The following SLC37A3 variants were observed in gnomAD, a reference collection of about 807,000 sequenced individuals.
SLC37A3 encodes the protein sugar phosphate exchanger 3.
Under a neutral mutation model 67.1 loss-of-function variants are expected in SLC37A3, and 51 were observed. The observed-to-expected ratio is 0.76, with a 90% CI of 0.61 to 0.96. The LOEUF (loss-of-function observed/expected upper bound fraction) is 0.96, where lower values mean the gene tolerates loss of function less well. SLC37A3 is among the 40% of genes least tolerant of loss of function. The pLI is 0.00. For missense variants in SLC37A3, 508 were observed against 603.0 expected, an observed-to-expected ratio of 0.84 and a Z score of 1.65; for synonymous variants, 214 against 231.4, an observed-to-expected ratio of 0.92 and a Z score of 0.68.
chr7:140,338,792 G>A (rs1796243524), intron 13 of SLC37A3, among the ~76,000 whole-genome samples: 1 of 151,272 alleles, frequency 6.6e-6, no homozygotes, highest in Non-Finnish European at 1.5e-5. Flanking sequence ...TTTAAATGGA[G>A]TCTTGCTCTG....
intron 14 of SLC37A3, among the ~76,000 whole-genome samples, chr7:140,336,702 T>C (rs578153112): frequency 6.6e-6 from 1 of 152,328 alleles, no homozygotes; most frequent in East Asian, 1.9e-4. Flanking sequence ...TAGGGGCTGG[T>C]GATACTTTAA....
chr7:140,336,188 A>G (rs1460048479), intron 14 of SLC37A3, among the ~76,000 whole-genome samples: 1 of 152,206 alleles, frequency 6.6e-6, no homozygotes, highest in Non-Finnish European at 1.5e-5. Context: ...AATATTTTAA[A>G]AGCACAAAGC....
chr7:140,334,422 CACTT>C lies in SLC37A3; in HGVS notation c.*986_*989del, dbSNP rs1796055362. On this transcript the variant is annotated 3_prime_UTR_variant, in exon 15 of 15. Transcript: ENST00000326232. ...TAAGTCAAAGAGCATCTGTACTTGA[CACTT>C]ACTAGAAGAAAAGGTCTTTCCCTTT... is the stretch of plus-strand genomic sequence containing the variant. 1.3e-5 allele frequency: 2 copies of C among 152,512 alleles called. No homozygotes were observed. The highest frequency in any genetic ancestry group is 4.1e-4 in the South Asian group (2 of 4,826). The allele number at this position is 152,512 out of a possible 1,614,324, so 9.4% of individuals were successfully genotyped here. A position where few individuals can be genotyped will look rare whatever the true frequency, so the allele number is the denominator to read the frequency against.
intron 6 of SLC37A3, among the ~76,000 whole-genome samples, chr7:140,356,195 C>CAA (rs60174653): frequency 0.38 from 51,490 of 134,196 alleles, 10,445 homozygotes; most frequent in Non-Finnish European, 0.48. Flanking sequence ...CTCCACCTCC[C>CAA]AAAAAAAAAA....
intron 13 of SLC37A3, among the ~76,000 whole-genome samples, chr7:140,342,671 T>C (rs977864177): frequency 9.6e-6 from 1 of 103,812 alleles, no homozygotes; most frequent in Non-Finnish European, 1.9e-5. Context: ...GAAAGTTGAA[T>C]TTATGCAAAA....
chr7:140,337,117 A>AAG (rs1796169889), intron 14 of SLC37A3, among the ~76,000 whole-genome samples, 167 bp downstream of exon 14: 2 of 145,286 alleles, frequency 1.4e-5, no homozygotes, highest in Non-Finnish European at 3.0e-5. Context: ...AAAAAAAAAA[A>AAG]AAGAAGAAGA....
chr7:140,354,426 GTT>G (rs1296243623), intron 7 of SLC37A3, among the ~76,000 whole-genome samples: 1 of 150,886 alleles, frequency 6.6e-6, no homozygotes, highest in Non-Finnish European at 1.5e-5. Flanking sequence ...ATACAGTATA[GTT>G]TTTCTTCCTT....
At chr7:140,352,176 A>T in intron 7 of SLC37A3, 30 bp from the exon 8 acceptor site, 1 of 1,536,238 alleles carries the variant, frequency 6.5e-7, no homozygotes, top group Non-Finnish European at 8.8e-7. Context: ...GGTGGTCCTT[A>T]CATATCTGGG....
intron 7 of SLC37A3, 39 bp downstream of exon 7, chr7:140,355,629 G>A (rs1373986336): frequency 6.3e-6 from 9 of 1,425,812 alleles, no homozygotes; most frequent in Non-Finnish European, 8.8e-6. Context: ...TGCACACAGA[G>A]AGAGAGAGAG....
intron 5 of SLC37A3, among the ~76,000 whole-genome samples, chr7:140,360,834 G>A (rs956253651): frequency 2.0e-5 from 3 of 151,608 alleles, no homozygotes; most frequent in Admixed American, 1.3e-4. Flanking sequence ...ACTGCCACCC[G>A]GGGAGAGCTA....
intron 5 of SLC37A3, among the ~76,000 whole-genome samples, chr7:140,362,673 T>C (rs1426462404): frequency 3.2e-4 from 5 of 15,730 alleles, no homozygotes; most frequent in Non-Finnish European, 2.6e-4. Context: ...GGGAGGGAGG[T>C]GGGGGGGGGG....
chr7:140,365,720 CA>C (rs918386822), intron 4 of SLC37A3, among the ~76,000 whole-genome samples: 13 of 146,514 alleles, frequency 8.9e-5, no homozygotes, highest in African/African-American at 1.0e-4. Flanking sequence ...GACTCCATCT[CA>C]AAAAAAAAAT....
intron 1 of SLC37A3, among the ~76,000 whole-genome samples, chr7:140,394,833 C>T (rs76981448): frequency 0.29 from 43,969 of 149,618 alleles, 7,330 homozygotes; most frequent in South Asian, 0.52. Context: ...GGTCTCGAAC[C>T]CCTGACCTCG....
At chr7:140,346,643 T>TA (rs1286202381) in intron 10 of SLC37A3, among the ~76,000 whole-genome samples, 2 of 152,252 alleles carry the variant, frequency 1.3e-5, no homozygotes, top group Non-Finnish European at 1.5e-5. Context: ...CTCATGCCTA[T>TA]AATCCCAGCA....
intron 6 of SLC37A3, among the ~76,000 whole-genome samples, chr7:140,357,137 C>G (rs1001843035): frequency 2.6e-5 from 4 of 152,004 alleles, no homozygotes; most frequent in Non-Finnish European, 5.9e-5. Context: ...TTGCTTGAAC[C>G]CAGGAGGTGG....
intron 8 of SLC37A3, 191 bp from the exon 9 acceptor site, chr7:140,351,642 A>G (rs1167566384): frequency 3.3e-6 from 2 of 597,524 alleles, no homozygotes; most frequent in Non-Finnish European, 5.8e-6. Flanking sequence ...CAAAAGATAG[A>G]AGAATTGTAC....
chr7:140,361,115 T>A (rs996143498), intron 5 of SLC37A3, among the ~76,000 whole-genome samples: 2 of 151,636 alleles, frequency 1.3e-5, no homozygotes, highest in African/African-American at 4.8e-5. Context: ...GACTGTGAGT[T>A]AGACTATGGA....
intron 5 of SLC37A3, among the ~76,000 whole-genome samples, chr7:140,360,365 G>T (rs1797216278): frequency 1.3e-5 from 2 of 152,002 alleles, no homozygotes; most frequent in African/African-American, 2.4e-5. Flanking sequence ...TAATAAATTA[G>T]GGTCTAACTA....
chr7:140,343,115 G>T (rs1796421526), intron 13 of SLC37A3, among the ~76,000 whole-genome samples: 1 of 152,230 alleles, frequency 6.6e-6, no homozygotes, highest in Admixed American at 6.5e-5. Flanking sequence ...AGCCTGGAAA[G>T]AAAGAAGGGG....
Sources: gnomAD v4.1 joint callset for allele counts (sites outside exome capture counted in the v4.1 genomes callset) on GRCh38, gnomAD v4.1.1 for gene constraint, MANE v1.5 for transcripts, NCBI Gene and HGNC (gene_info 2026-07-23, HGNC 2026-07-21) for gene names.